The following PDZD2 variants were observed in gnomAD, a reference collection of about 807,000 sequenced individuals.
PDZD2 encodes PDZ domain-containing protein 2.
A neutral mutation model predicts 220.7 loss-of-function variants in PDZD2; 90 were observed. The ratio of observed to expected loss-of-function variants is 0.41; its 90% CI spans 0.34 to 0.49. PDZD2 has a LOEUF of 0.49. Among genes scored for constraint, PDZD2 ranks in the 20% least tolerant of loss-of-function variants. The pLI is 0.28. For missense variants in PDZD2, 3,174 were observed against 3,608.5 expected, an observed-to-expected ratio of 0.88 and a Z score of 3.08; for synonymous variants, 1,375 against 1,450.5, an observed-to-expected ratio of 0.95 and a Z score of 1.18.
chr5:32,085,934 TA>T (rs998149454), intron 19 of PDZD2, among the ~76,000 whole-genome samples: 1 of 151,892 alleles, frequency 6.6e-6, no homozygotes, highest in African/African-American at 2.4e-5. Context: ...TGACTTTGGG[TA>T]GTATGGACAT....
intron 19 of PDZD2, among the ~76,000 whole-genome samples, chr5:32,081,322 C>T (rs1389241961): frequency 2.0e-5 from 3 of 152,186 alleles, no homozygotes; most frequent in Non-Finnish European, 4.4e-5. Flanking sequence ...GTCCCTTACA[C>T]CCACTGAGCA....
intron 1 of PDZD2, among the ~76,000 whole-genome samples, chr5:31,697,642 C>T (rs1747429392): frequency 6.6e-6 from 1 of 152,188 alleles, no homozygotes; most frequent in African/African-American, 2.4e-5. Flanking sequence ...GAGGAGCCCA[C>T]TGCCCAATCT....
intron 1 of PDZD2, among the ~76,000 whole-genome samples, chr5:31,771,342 A>G (rs2150197955): frequency 6.6e-6 from 1 of 152,302 alleles, no homozygotes; most frequent in African/African-American, 2.4e-5. Flanking sequence ...TATCATCAGC[A>G]CCATTAGTAA....
At chr5:31,792,608 G>A (rs1031865429) in intron 1 of PDZD2, among the ~76,000 whole-genome samples, 1 of 151,974 alleles carries the variant, frequency 6.6e-6, no homozygotes, top group Admixed American at 6.6e-5. Context: ...AGTGGAGACG[G>A]GGTTTCACCG....
intron 2 of PDZD2, among the ~76,000 whole-genome samples, chr5:31,931,444 C>A (rs769051202): frequency 2.0e-5 from 3 of 152,176 alleles, no homozygotes; most frequent in Non-Finnish European, 4.4e-5. Context: ...AGGCGTGAGG[C>A]GCTGTGCCTG....
At chr5:31,649,308 C>T (rs1308303954) in intron 1 of PDZD2, among the ~76,000 whole-genome samples, 1 of 152,052 alleles carries the variant, frequency 6.6e-6, no homozygotes, top group Non-Finnish European at 1.5e-5. Flanking sequence ...TCTTAGCACT[C>T]ATTGCCCTCA....
intron 2 of PDZD2, among the ~76,000 whole-genome samples, chr5:31,897,709 G>C (rs1339463128): frequency 6.6e-6 from 1 of 150,728 alleles, no homozygotes; most frequent in East Asian, 1.9e-4. Context: ...GAAACATGCA[G>C]ATGATATAAG....
chr5:31,730,949 T>A (rs1324639247), intron 1 of PDZD2, among the ~76,000 whole-genome samples: 1 of 152,182 alleles, frequency 6.6e-6, no homozygotes, highest in Non-Finnish European at 1.5e-5. Context: ...CAAGGTTGTA[T>A]GTGTCATAAT....
At chr5:31,671,824 T>A (rs924428526) in intron 1 of PDZD2, among the ~76,000 whole-genome samples, 2 of 152,234 alleles carry the variant, frequency 1.3e-5, no homozygotes, top group East Asian at 3.8e-4. Flanking sequence ...GAGTCTGTAG[T>A]TATGCGGTCA....
chr5:31,874,524 G>T (rs953927521), intron 2 of PDZD2, among the ~76,000 whole-genome samples: 1 of 152,104 alleles, frequency 6.6e-6, no homozygotes, highest in East Asian at 1.9e-4. Flanking sequence ...ACTTTGGGAG[G>T]CCAGGGCAGG....
At chr5:31,958,590 T>C (rs1041341445) in intron 2 of PDZD2, among the ~76,000 whole-genome samples, 2 of 151,808 alleles carry the variant, frequency 1.3e-5, no homozygotes, top group Admixed American at 1.3e-4. Context: ...CTGCATTTTA[T>C]TTATTATTAG....
chr5:32,100,210 A>G (rs1744127684), intron 23 of PDZD2: 1 of 155,100 alleles, frequency 6.4e-6, no homozygotes, highest in Non-Finnish European at 1.4e-5. Flanking sequence ...AAACCACGAC[A>G]ATGGACTGGC....
chr5:31,757,191 C>T (rs903946869), intron 1 of PDZD2, among the ~76,000 whole-genome samples: 1 of 152,146 alleles, frequency 6.6e-6, no homozygotes, highest in East Asian at 1.9e-4. Context: ...GAGGCCGAGA[C>T]AGGAGGATTG....
chr5:32,093,839 ATGG>A (rs1743404060), intron 21 of PDZD2, among the ~76,000 whole-genome samples: 1 of 152,042 alleles, frequency 6.6e-6, no homozygotes, highest in Non-Finnish European at 1.5e-5. Context: ...TTAGCTGGAC[ATGG>A]TGGTGGGTGC....
rs556176950 is a variant in PDZD2 at position 32,092,947 on chromosome 5, T to C, written c.7768T>C (p.Leu2590=). The part of the protein sequence containing the change: ...LLVSAGDQQR[L]QSVLSSVGSK... Reference sequence around the variant, plus strand: ...AGTCTCAGCGGGGGACCAGCAAAGATTACAGTCTGTTTTATCGTCAGTGGG... The same window carrying C: ...AGTCTCAGCGGGGGACCAGCAAAGACTACAGTCTGTTTTATCGTCAGTGGG... Residue 2590 remains leucine, a synonymous_variant, in exon 21 of 25, where the codon TTA becomes CTA. Coordinates refer to ENST00000438447, the MANE Select transcript of PDZD2 (RefSeq NM_178140.4). The C allele has an allele frequency of 1.2e-6, 2 of 1,605,096 alleles. No individual in the cohort carries two copies. The highest frequency in any genetic ancestry group is 2.2e-5 in the South Asian group (2 of 90,812).
chr5:31,859,929 C>T (rs1322106585), intron 2 of PDZD2, among the ~76,000 whole-genome samples: 1 of 152,110 alleles, frequency 6.6e-6, no homozygotes, highest in African/African-American at 2.4e-5. Flanking sequence ...GTATTAAAAG[C>T]TCTCAGGTGA....
chr5:31,786,042 G>C (rs1159221908), intron 1 of PDZD2, among the ~76,000 whole-genome samples: 2 of 152,080 alleles, frequency 1.3e-5, no homozygotes, highest in African/African-American at 2.4e-5. Flanking sequence ...ACTGAAAGAG[G>C]TCAGCTGAGG....
intron 6 of PDZD2, among the ~76,000 whole-genome samples, chr5:32,031,579 T>C (rs1755123104): frequency 6.6e-6 from 1 of 152,212 alleles, no homozygotes; most frequent in South Asian, 2.1e-4. Flanking sequence ...TTTCTCTTTA[T>C]TCTTTAATGA....
At chr5:32,048,882 T>C (rs1174586818) in intron 8 of PDZD2, among the ~76,000 whole-genome samples, 198 bp downstream of exon 8, 1 of 152,122 alleles carries the variant, frequency 6.6e-6, no homozygotes, top group Admixed American at 6.5e-5. Context: ...AAATCCCTCA[T>C]TGGATCTCAA....
Sources: allele counts gnomAD v4.1 joint callset (sites outside exome capture counted in the v4.1 genomes callset), GRCh38; gene constraint gnomAD v4.1.1; transcripts MANE v1.5; gene names NCBI Gene and HGNC (gene_info 2026-07-23, HGNC 2026-07-21).